C2CD3: variants seen among roughly 807,000 people sequenced by gnomAD.
C2CD3 encodes the protein C2 domain-containing protein 3.
C2CD3 carries 148 observed loss-of-function variants against 234.0 expected under a neutral mutation model. That is an observed-to-expected ratio of 0.63 (90% CI 0.55 to 0.72). The LOEUF (loss-of-function observed/expected upper bound fraction) is 0.72, where lower values mean the gene tolerates loss of function less well. C2CD3 is among the 30% of genes least tolerant of loss of function. The probability of loss-of-function intolerance (pLI) is 0.00; values close to 1 mark genes in which losing one functional copy is unlikely to be tolerated. For synonymous variants in C2CD3, 1,000 were observed against 1,035.4 expected, an observed-to-expected ratio of 0.97 and a Z score of 0.66; for missense variants, 2,577 against 2,811.5, an observed-to-expected ratio of 0.92 and a Z score of 1.89.
chr11:74,114,817 T>C (rs1956871281), intron 9 of C2CD3, among the ~76,000 whole-genome samples: 1 of 152,154 alleles, frequency 6.6e-6, no homozygotes, highest in Admixed American at 6.5e-5. Context: ...TCCTCCCACC[T>C]CAACTTCCCA....
intron 3 of C2CD3, among the ~76,000 whole-genome samples, chr11:74,143,299 C>A (rs568590144): frequency 5.9e-5 from 9 of 152,116 alleles, no homozygotes; most frequent in Admixed American, 2.6e-4. Context: ...ATAATTTTCA[C>A]AATCATGTTG....
At chr11:74,099,845 G>A (rs1195424384) in intron 15 of C2CD3, among the ~76,000 whole-genome samples, 3 of 150,556 alleles carry the variant, frequency 2.0e-5, no homozygotes, top group Non-Finnish European at 4.4e-5. Context: ...GCAGTGAGCC[G>A]AGATCGTGCC....
intron 16 of C2CD3, among the ~76,000 whole-genome samples, chr11:74,096,950 G>A (rs1956130564): frequency 6.6e-6 from 1 of 152,104 alleles, no homozygotes; most frequent in South Asian, 2.1e-4. Context: ...TTCGAGACCA[G>A]CCTGGCCTGG....
intron 32 of C2CD3, among the ~76,000 whole-genome samples, chr11:74,024,146 T>C (rs1309272480): frequency 1.3e-5 from 2 of 151,768 alleles, no homozygotes; most frequent in African/African-American, 4.8e-5. Flanking sequence ...AAAGAGAAAA[T>C]CAAACAAGAA....
At chr11:74,153,374 A>C (rs1855803447) in intron 3 of C2CD3, among the ~76,000 whole-genome samples, 1 of 152,216 alleles carries the variant, frequency 6.6e-6, no homozygotes. Context: ...ATAGAAATAA[A>C]AGGCATATAG....
chr11:74,016,123 T>C (rs1565197187), intron 32 of C2CD3, among the ~76,000 whole-genome samples: 1 of 152,116 alleles, frequency 6.6e-6, no homozygotes, highest in Non-Finnish European at 1.5e-5. Flanking sequence ...TTCAGGAGCC[T>C]AAGATCTAAT....
Position 74,138,828 on chromosome 11 carries a change from G to A in C2CD3, c.847C>T (p.Leu283Phe). ...GGCTGGAATTCAGAACTGTTCAGAA[G>A]GGACATCTGCTTCCGTGGAGCTCTG... ...KGRAPRKQMS[L>F]LNSSEFQPQI... Residue 283 changes from leucine to phenylalanine, a missense_variant, in exon 5 of 33, where the codon CTT becomes TTT. Physicochemically the swap from Leu to Phe is conservative, Grantham distance 22 (BLOSUM62 0). Coordinates refer to ENST00000334126, the MANE Select transcript of C2CD3 (RefSeq NM_001286577.2). 1.9e-6 allele frequency: 3 copies of A among 1,613,946 alleles called. No homozygotes were observed. The highest frequency in any genetic ancestry group is 2.5e-6 in the Non-Finnish European group (3 of 1,179,852).
intron 8 of C2CD3, among the ~76,000 whole-genome samples, chr11:74,122,200 C>T (rs1045239707): frequency 5.9e-5 from 9 of 152,184 alleles, no homozygotes; most frequent in African/African-American, 2.2e-4. Context: ...ATTCTTTCTA[C>T]GCCCATTTTG....
At chr11:74,073,614 A>G (rs1954898583) in intron 24 of C2CD3, among the ~76,000 whole-genome samples, 1 of 151,882 alleles carries the variant, frequency 6.6e-6, no homozygotes, top group Non-Finnish European at 1.5e-5. Context: ...AATCAAAACA[A>G]ACAAAAAAAC....
intron 7 of C2CD3, among the ~76,000 whole-genome samples, chr11:74,130,751 T>C (rs1005364122): frequency 1.3e-5 from 2 of 152,194 alleles, no homozygotes; most frequent in Non-Finnish European, 2.9e-5. Context: ...TGTTGTTCTG[T>C]AGTAAGCTTT....
chr11:74,061,238 G>A (rs1565242119), intron 24 of C2CD3, among the ~76,000 whole-genome samples: 1 of 152,138 alleles, frequency 6.6e-6, no homozygotes, highest in Admixed American at 6.5e-5. Context: ...CCAACCTAGT[G>A]AGGCAGGCCA....
In C2CD3 at chr11:74,013,328, G is replaced by T; in HGVS notation, c.*57C>A. 1.8e-6 allele frequency: 1 copy of T among 565,686 alleles called. No homozygotes were observed. Among genetic ancestry groups the T allele is most frequent in the Non-Finnish European group, 2.9e-6 (1 of 347,402 alleles). 35.0% of individuals were successfully genotyped at this position (565,686 alleles called of 1,614,324 possible). On this transcript the variant is annotated 3_prime_UTR_variant, in exon 33 of 33. Transcript: ENST00000334126. ...CAGACCTGGTGCCTCCTGCAAGCTG[G>T]ACAAAGCTGACGGAGGGTGGGCAGG...
intron 3 of C2CD3, among the ~76,000 whole-genome samples, chr11:74,149,027 C>T (rs188329527): frequency 5.9e-5 from 9 of 152,300 alleles, no homozygotes; most frequent in East Asian, 3.9e-4. Context: ...TCCTCACAGG[C>T]GGCCACTTTC....
chr11:74,128,156 C>G (rs1957480236), intron 7 of C2CD3, among the ~76,000 whole-genome samples: 1 of 152,222 alleles, frequency 6.6e-6, no homozygotes, highest in South Asian at 2.1e-4. Flanking sequence ...AGCCACCACG[C>G]CCAGCCATAT....
intron 21 of C2CD3, among the ~76,000 whole-genome samples, chr11:74,085,245 T>C (rs1421783673): frequency 1.3e-5 from 2 of 151,374 alleles, no homozygotes; most frequent in African/African-American, 4.9e-5. Flanking sequence ...CAAGTGATCC[T>C]CCCACTTCGG....
chr11:74,121,547 C>T lies in C2CD3; in HGVS notation c.1365+1441G>A, dbSNP rs999694410. Among the ~76,000 whole-genome samples, 12 of 133,388 alleles carry T rather than the reference C, an allele frequency of 9.0e-5. No homozygotes were observed. The South Asian group carries it at 1.7e-3, about 19-fold the overall frequency. 87.5% of individuals were successfully genotyped at this position (133,388 alleles called of 152,430 possible). On this transcript the variant is annotated intron_variant, in intron 8 of 32. Coordinates refer to ENST00000334126, the MANE Select transcript of C2CD3 (RefSeq NM_001286577.2). ...GCTTGAACCTGGGAGGTGGAGGTTGCGGTGAGCCGAGATCATGCCTCTGCA... is the reference window on the plus strand; with the variant it reads ...GCTTGAACCTGGGAGGTGGAGGTTGTGGTGAGCCGAGATCATGCCTCTGCA...
At chr11:74,029,890 G>A (rs749930391) in intron 31 of C2CD3, among the ~76,000 whole-genome samples, 11 of 152,152 alleles carry the variant, frequency 7.2e-5, no homozygotes, top group Admixed American at 1.3e-4. Flanking sequence ...AGAGTAGCTG[G>A]GATTACAGGC....
intron 29 of C2CD3, among the ~76,000 whole-genome samples, chr11:74,041,252 AC>A (rs1953040099): frequency 6.6e-6 from 1 of 152,014 alleles, no homozygotes; most frequent in Admixed American, 6.6e-5. Context: ...TCATGATGTG[AC>A]TCTTAAAAAA....
intron 9 of C2CD3, among the ~76,000 whole-genome samples, chr11:74,117,046 G>A (rs1415802490): frequency 1.9e-3 from 82 of 42,296 alleles, no homozygotes; most frequent in Non-Finnish European, 3.8e-3. Context: ...ATACGTGTGT[G>A]TGTATATATA....
Sources: allele counts gnomAD v4.1 joint callset (sites outside exome capture counted in the v4.1 genomes callset), GRCh38; gene constraint gnomAD v4.1.1; transcripts MANE v1.5; gene names NCBI Gene and HGNC (gene_info 2026-07-23, HGNC 2026-07-21).